Variants in AMPH observed in about 807,000 individuals in gnomAD.
The protein encoded by AMPH is amphiphysin (Stiff-Mann syndrome with breast cancer 128kD autoantigen).
A neutral mutation model predicts 99.1 loss-of-function variants in AMPH; 49 were observed. The ratio of observed to expected loss-of-function variants is 0.49; its 90% CI spans 0.39 to 0.63. The LOEUF (loss-of-function observed/expected upper bound fraction) is 0.63, where lower values mean the gene tolerates loss of function less well. Among genes scored for constraint, AMPH ranks in the 20% least tolerant of loss-of-function variants. The pLI is 0.00. For missense variants in AMPH, 759 were observed against 863.4 expected (o/e 0.88, Z 1.52); for synonymous variants, 314 against 317.3 (o/e 0.99, Z 0.11).
chr7:38,411,060 G>A (rs973060941), intron 17 of AMPH, among the ~76,000 whole-genome samples: 1 of 152,218 alleles, frequency 6.6e-6, no homozygotes, highest in African/African-American at 2.4e-5. Flanking sequence ...GTAGTCAGGA[G>A]ATAGACAGCT....
rs575203838 is a variant in AMPH, at chr7:38,423,206, T to C, written c.1216-729A>G. Among the ~76,000 whole-genome samples the C allele has an allele frequency of 9.4e-4, 143 of 152,348 alleles. 2 individuals carry two copies. The highest frequency in any genetic ancestry group is 3.4e-3 in the Middle Eastern group (1 of 294). ...CACTATATTACTTAAGTGTTCCTTCTATGGGTTATGTATGAACCATATGTT... is the reference window on the plus strand; with the variant it reads ...CACTATATTACTTAAGTGTTCCTTCCATGGGTTATGTATGAACCATATGTT... On this transcript the variant is annotated intron_variant, in intron 15 of 20. Coordinates refer to ENST00000356264, the MANE Select transcript of AMPH (RefSeq NM_001635.4).
At chr7:38,594,363 C>T (rs1284262758) in intron 1 of AMPH, among the ~76,000 whole-genome samples, 2 of 152,166 alleles carry the variant, frequency 1.3e-5, no homozygotes, top group Non-Finnish European at 2.9e-5. Flanking sequence ...TTTCCTAAAA[C>T]ACCCTTTCCT....
intron 1 of AMPH, among the ~76,000 whole-genome samples, chr7:38,559,483 A>C (rs1680490079): frequency 6.6e-6 from 1 of 152,244 alleles, no homozygotes; most frequent in Non-Finnish European, 1.5e-5. Flanking sequence ...GCCCTCACTG[A>C]CAATAGGCTC....
At chr7:38,457,658 T>A (rs1787284676) in intron 11 of AMPH, among the ~76,000 whole-genome samples, 1 of 152,178 alleles carries the variant, frequency 6.6e-6, no homozygotes, top group African/African-American at 2.4e-5. Flanking sequence ...GTTGAAAACA[T>A]CCCAAGTCTA....
Position 38,465,532 on chromosome 7 carries a change from A to G in AMPH, c.684T>C (p.Tyr228=), listed in dbSNP as rs1787620320. ...GGTCACCCAGTTTTGTCATCACTTC[A>G]TACAGTTTGTGGCAAAGCTAAGGGG... ...KEIAVLCHKL[Y]EVMTKLGDQH... is the part of the protein sequence containing the mutation. The change falls in exon 9 of 21, where the codon TAT becomes TAC. Residue 228 remains tyrosine, a synonymous_variant. Coordinates refer to ENST00000356264, the MANE Select transcript of AMPH (RefSeq NM_001635.4). 2 of 1,583,732 alleles carry G rather than the reference A, an allele frequency of 1.3e-6. No individual in the cohort carries two copies. Among genetic ancestry groups the G allele is most frequent in the Non-Finnish European group, 1.7e-6 (2 of 1,163,102 alleles).
intron 1 of AMPH, among the ~76,000 whole-genome samples, chr7:38,559,907 T>C (rs980468293): frequency 6.6e-6 from 1 of 152,178 alleles, no homozygotes; most frequent in African/African-American, 2.4e-5. Context: ...CATGGATTAG[T>C]GGCTGGGATC....
chr7:38,389,733 G>C lies in AMPH; in HGVS notation c.1980+71C>G, dbSNP rs567513027. On this transcript the variant is annotated intron_variant, in intron 20 of 20. Coordinates refer to ENST00000356264, the MANE Select transcript of AMPH (RefSeq NM_001635.4). Reference sequence around the variant, plus strand: ...CAGAAAATAGAAACATCTTTAGGAAGTGATTGTGTCCAACAGACCCTCAGA... The same window carrying C: ...CAGAAAATAGAAACATCTTTAGGAACTGATTGTGTCCAACAGACCCTCAGA... 1.1e-4 allele frequency: 124 copies of C among 1,142,714 alleles called. No homozygotes were observed. In the South Asian group the frequency reaches 1.5e-3, roughly 14 times the overall value. The allele number at this position is 1,142,714 out of a possible 1,614,324, so 70.8% of individuals were successfully genotyped here.
Position 38,592,304 on chromosome 7 carries a change from C to A in AMPH, c.69+38979G>T, listed in dbSNP as rs1176255707. On this transcript the variant is annotated intron_variant, in intron 1 of 20. Coordinates refer to ENST00000356264, the MANE Select transcript of AMPH (RefSeq NM_001635.4). ...ATTTTGTTTATGGCCAGTTTTGGGG[C>A]CAGTTTATGGCCAGATTTGGGGGCC... 4.6e-5 allele frequency among the ~76,000 whole-genome samples: 7 copies of A among 152,152 alleles called. No individual in the cohort carries two copies. In the East Asian group the frequency reaches 1.3e-3, roughly 29 times the overall value.
chr7:38,428,646 T>C, intron 14 of AMPH: 3 of 456,726 alleles, frequency 6.6e-6, no homozygotes, highest in South Asian at 4.6e-5. Context: ...GCTGCCATCT[T>C]CAATATTAGA....
At chr7:38,544,196 T>C (rs778281551) in intron 1 of AMPH, among the ~76,000 whole-genome samples, 5 of 152,222 alleles carry the variant, frequency 3.3e-5, no homozygotes, top group East Asian at 1.9e-4. Context: ...ATGGAAACTA[T>C]ATGACATCAT....
intron 1 of AMPH, among the ~76,000 whole-genome samples, chr7:38,602,087 T>C (rs1793265088): frequency 6.6e-6 from 1 of 152,152 alleles, no homozygotes. Context: ...ATGCCATTGA[T>C]AATGGAGGAT....
intron 4 of AMPH, among the ~76,000 whole-genome samples, chr7:38,494,176 CT>C (rs1402085154): frequency 6.6e-6 from 1 of 152,180 alleles, no homozygotes; most frequent in Non-Finnish European, 1.5e-5. Context: ...CCAGGCTGAT[CT>C]TGAACTCCTG....
intron 1 of AMPH, among the ~76,000 whole-genome samples, chr7:38,574,650 G>T (rs1385094918): frequency 6.6e-6 from 1 of 152,116 alleles, no homozygotes; most frequent in Non-Finnish European, 1.5e-5. Context: ...TAACAGGAGT[G>T]ATTATCAACA....
intron 17 of AMPH, among the ~76,000 whole-genome samples, chr7:38,407,702 A>G (rs1261634579): frequency 2.0e-5 from 3 of 152,194 alleles, no homozygotes; most frequent in Non-Finnish European, 4.4e-5. Flanking sequence ...ATAAAGACAT[A>G]TATATTTTAA....
chr7:38,412,242 C>T (rs1785236977), intron 17 of AMPH, among the ~76,000 whole-genome samples: 1 of 152,172 alleles, frequency 6.6e-6, no homozygotes, highest in Non-Finnish European at 1.5e-5. Context: ...ATGTGAATTT[C>T]ACCTCAGAAG....
chr7:38,468,277 T>A (rs1002127254), intron 7 of AMPH, among the ~76,000 whole-genome samples: 1 of 152,258 alleles, frequency 6.6e-6, no homozygotes, highest in Non-Finnish European at 1.5e-5. Context: ...ATTCATTTAT[T>A]TATTGCTCAT....
intron 17 of AMPH, among the ~76,000 whole-genome samples, chr7:38,400,187 T>C (rs1784803350): frequency 6.6e-6 from 1 of 152,244 alleles, no homozygotes. Context: ...GCGATTTTCC[T>C]GCCTCAGTCT....
At chr7:38,452,364 T>A (rs924169620) in intron 11 of AMPH, among the ~76,000 whole-genome samples, 2 of 152,250 alleles carry the variant, frequency 1.3e-5, no homozygotes, top group Non-Finnish European at 1.5e-5. Context: ...TAGTTTTCAA[T>A]GCTGTACTTC....
intron 19 of AMPH, among the ~76,000 whole-genome samples, chr7:38,390,649 T>G (rs141042481): frequency 6.6e-6 from 1 of 152,304 alleles, no homozygotes; most frequent in Non-Finnish European, 1.5e-5. Flanking sequence ...GGAAATGGAT[T>G]ATGTTATCCC....
Sources: allele counts gnomAD v4.1 joint callset (sites outside exome capture counted in the v4.1 genomes callset), GRCh38; gene constraint gnomAD v4.1.1; transcripts MANE v1.5; gene names NCBI Gene and HGNC (gene_info 2026-07-23, HGNC 2026-07-21).